Variants in RFX4 observed in about 807,000 individuals in gnomAD.
RFX4 encodes regulatory factor X4, also known as transcription factor RFX4.
A neutral mutation model predicts 95.0 loss-of-function variants in RFX4; 10 were observed. The ratio of observed to expected loss-of-function variants is 0.11; its 90% confidence interval spans 0.06 to 0.18. The LOEUF is 0.18. Ranked by LOEUF, RFX4 falls within the 10% of genes least tolerant of loss-of-function variation. The pLI, the probability that RFX4 is intolerant of heterozygous loss-of-function variation, is 1.00. For synonymous variants in RFX4, 321 were observed against 340.7 expected, an observed-to-expected ratio of 0.94 and a Z score of 0.64; for missense variants, 640 against 922.0, an observed-to-expected ratio of 0.69 and a Z score of 3.96.
intron 11 of RFX4, among the ~76,000 whole-genome samples, chr12:106,719,545 C>T (rs868659028): frequency 7.9e-5 from 12 of 152,026 alleles, no homozygotes; most frequent in African/African-American, 1.5e-4. Context: ...GGTAGAAAAC[C>T]GATAATAAAG....
At chr12:106,709,945 C>T (rs2042160757) in intron 9 of RFX4, among the ~76,000 whole-genome samples, 1 of 152,178 alleles carries the variant, frequency 6.6e-6, no homozygotes, top group Non-Finnish European at 1.5e-5. Context: ...AGCTTAAGGG[C>T]TTCATGCATT....
Position 106,746,507 on chromosome 12 carries a change from G to A in RFX4, c.1634-930G>A, listed in dbSNP as rs111877956. On this transcript the variant is annotated intron_variant, in intron 15 of 17. Coordinates refer to ENST00000392842, the MANE Select transcript of RFX4 (RefSeq NM_213594.3). Reference sequence around the variant, plus strand: ...CATGATCATGTCATTGCACTCCAGCGTGGGTGACAGAGTGAGAGCTTGTCT... The same window carrying A: ...CATGATCATGTCATTGCACTCCAGCATGGGTGACAGAGTGAGAGCTTGTCT... Among the ~76,000 whole-genome samples, 1,415 of 151,924 alleles carry A rather than the reference G, an allele frequency of 9.3e-3. 18 individuals are homozygous for A. Among genetic ancestry groups the A allele is most frequent in the African/African-American group, 0.032 (1,345 of 41,438 alleles).
At chr12:106,660,798 T>C (rs1592908774) in intron 4 of RFX4, among the ~76,000 whole-genome samples, 2 of 152,140 alleles carry the variant, frequency 1.3e-5, no homozygotes, top group South Asian at 4.1e-4. Flanking sequence ...GTGGTGGCAT[T>C]AGATTTTCAC....
intron 2 of RFX4, among the ~76,000 whole-genome samples, chr12:106,619,323 A>G (rs2040132877): frequency 6.6e-6 from 1 of 152,158 alleles, no homozygotes; most frequent in Non-Finnish European, 1.5e-5. Flanking sequence ...ATATTTTTGA[A>G]AGATATTTTT....
chr12:106,651,997 T>C (rs1001969410), intron 3 of RFX4, among the ~76,000 whole-genome samples: 3 of 152,202 alleles, frequency 2.0e-5, no homozygotes, highest in African/African-American at 7.2e-5. Flanking sequence ...CTCACTTTTA[T>C]AGAGAAACAA....
intron 2 of RFX4, among the ~76,000 whole-genome samples, chr12:106,619,675 C>T (rs1480738199): frequency 1.3e-5 from 2 of 152,182 alleles, no homozygotes; most frequent in Non-Finnish European, 2.9e-5. Flanking sequence ...AATATTTTGT[C>T]TCCCTCACTA....
chr12:106,649,630 C>A (rs1042024043), intron 3 of RFX4, among the ~76,000 whole-genome samples: 2 of 152,164 alleles, frequency 1.3e-5, no homozygotes, highest in Non-Finnish European at 2.9e-5. Flanking sequence ...GTATTTTAAT[C>A]TTGACCTCTT....
At chr12:106,678,150 C>T (rs887699200) in intron 4 of RFX4, among the ~76,000 whole-genome samples, 15 of 152,186 alleles carry the variant, frequency 9.9e-5, no homozygotes, top group African/African-American at 3.6e-4. Flanking sequence ...CACAAACACA[C>T]TGATTGTACA....
In RFX4 at chr12:106,646,978, T is replaced by A. The variant is rs545067810; in HGVS notation, c.192-7250T>A. Among the ~76,000 whole-genome samples, 546 of 152,288 alleles carry A rather than the reference T, an allele frequency of 3.6e-3. 6 individuals are homozygous for A. The highest frequency in any genetic ancestry group is 3.8e-3 in the Non-Finnish European group (259 of 68,030). ...GGTTGTGTAATGAAATAGATTGTTT[T>A]TTTGTTTGTTTTATTTTGCTTTGGA... On this transcript the variant is annotated intron_variant, in intron 3 of 17. Coordinates refer to ENST00000392842, the MANE Select transcript of RFX4 (RefSeq NM_213594.3).
At chr12:106,601,241 G>T in intron 1 of RFX4, 1 of 1,560,542 alleles carries the variant, frequency 6.4e-7, no homozygotes, top group Non-Finnish European at 8.7e-7. Flanking sequence ...CCACCGGCAG[G>T]GAGCCAGGAG....
At chr12:106,614,954 T>G (rs2040044233) in intron 2 of RFX4, among the ~76,000 whole-genome samples, 1 of 152,224 alleles carries the variant, frequency 6.6e-6, no homozygotes, top group African/African-American at 2.4e-5. Context: ...TGCTTTTATA[T>G]TCTCATAATA....
At chr12:106,676,847 A>G (rs2041401757) in intron 4 of RFX4, among the ~76,000 whole-genome samples, 1 of 152,240 alleles carries the variant, frequency 6.6e-6, no homozygotes, top group Non-Finnish European at 1.5e-5. Context: ...ATGTAGGAAT[A>G]TGACATAAAA....
Position 106,685,420 on chromosome 12 carries a change from TA to T in RFX4, c.378-1459del, listed in dbSNP as rs371152018. Among the ~76,000 whole-genome samples, 34 of 152,290 alleles carry T rather than the reference TA, an allele frequency of 2.2e-4. 1 individual carries two copies. The highest frequency in any genetic ancestry group is 7.7e-4 in the African/African-American group (32 of 41,552). On this transcript the variant is annotated intron_variant, in intron 5 of 17. Coordinates refer to ENST00000392842, the MANE Select transcript of RFX4 (RefSeq NM_213594.3). ...CTCTGGGCCTTAGTTTCCTTATCTA[TA>T]AAAATGGGGATAATAATTAATTCTA... is the stretch of plus-strand genomic sequence containing the variant.
At chr12:106,755,684 A>G (rs1056912694) in intron 17 of RFX4, among the ~76,000 whole-genome samples, 2 of 152,188 alleles carry the variant, frequency 1.3e-5, no homozygotes, top group Non-Finnish European at 2.9e-5. Context: ...GCATAGAGAA[A>G]ATCCACTGCA....
chr12:106,721,576 A>C (rs891041523), intron 13 of RFX4, among the ~76,000 whole-genome samples: 1 of 152,232 alleles, frequency 6.6e-6, no homozygotes, highest in Admixed American at 6.5e-5. Flanking sequence ...CACCAGAAAG[A>C]AAGCAGTATG....
At chr12:106,619,971 T>C (rs1483149414) in intron 2 of RFX4, among the ~76,000 whole-genome samples, 1 of 152,204 alleles carries the variant, frequency 6.6e-6, no homozygotes, top group Non-Finnish European at 1.5e-5. Context: ...TTCTCCATTT[T>C]TTCTTCTGTT....
At chr12:106,608,726 C>T (rs1370063773) in intron 1 of RFX4, 71 bp from the exon 2 acceptor site, 2 of 1,367,136 alleles carry the variant, frequency 1.5e-6, no homozygotes, top group African/African-American at 3.0e-5. Context: ...TCTTCACAAA[C>T]ACCCACAGCA....
At chr12:106,640,604 G>T (rs2040601782) in intron 3 of RFX4, among the ~76,000 whole-genome samples, 1 of 151,940 alleles carries the variant, frequency 6.6e-6, no homozygotes, top group Non-Finnish European at 1.5e-5. Context: ...CATTGCATTT[G>T]CTGCTTTTTG....
At chr12:106,698,540 T>C (rs1267555150) in intron 8 of RFX4, among the ~76,000 whole-genome samples, 6 of 152,208 alleles carry the variant, frequency 3.9e-5, no homozygotes, top group Non-Finnish European at 7.3e-5. Flanking sequence ...TCTGAATTGT[T>C]AATATTTTGT....
Sources: allele counts gnomAD v4.1 joint callset (sites outside exome capture counted in the v4.1 genomes callset), GRCh38; gene constraint gnomAD v4.1.1; transcripts MANE v1.5; gene names NCBI Gene and HGNC (gene_info 2026-07-23, HGNC 2026-07-21).